The following PDGFC variants were observed in gnomAD, a reference collection of about 807,000 sequenced individuals.
The protein encoded by PDGFC is platelet-derived growth factor C.
Under a neutral mutation model 35.5 loss-of-function variants are expected in PDGFC, and 12 were observed. The ratio of observed to expected loss-of-function variants is 0.34; its 90% confidence interval spans 0.22 to 0.55. The LOEUF is 0.55. Ranked by LOEUF, PDGFC falls within the 20% of genes least tolerant of loss-of-function variation. PDGFC has a pLI of 0.91. For synonymous variants in PDGFC, 159 were observed against 148.8 expected (o/e 1.07, Z -0.50); for missense variants, 322 against 412.4 (o/e 0.78, Z 1.90).
At chr4:156,828,776 G>A (rs529442165) in intron 2 of PDGFC, among the ~76,000 whole-genome samples, 2 of 152,114 alleles carry the variant, frequency 1.3e-5, no homozygotes, top group East Asian at 3.9e-4. Context: ...AAGTAAGCTT[G>A]TATATACTTT....
chr4:156,935,448 G>C (rs1731656283), intron 1 of PDGFC, among the ~76,000 whole-genome samples: 1 of 152,094 alleles, frequency 6.6e-6, no homozygotes, highest in South Asian at 2.1e-4. Context: ...TACAGGGCTG[G>C]CAGTGCAGGA....
chr4:156,778,240 T>C, intron 3 of PDGFC: 1 of 359,194 alleles, frequency 2.8e-6, no homozygotes, highest in South Asian at 2.1e-5. Flanking sequence ...TAGAAGAGAG[T>C]TTTCTCTTGC....
intron 1 of PDGFC, among the ~76,000 whole-genome samples, chr4:156,889,705 A>G (rs1301557237): frequency 6.6e-6 from 1 of 152,222 alleles, no homozygotes; most frequent in Non-Finnish European, 1.5e-5. Context: ...CTCCAAAACT[A>G]AAAGGAGATC....
chr4:156,863,477 G>T (rs956006976), intron 1 of PDGFC, among the ~76,000 whole-genome samples: 4 of 152,122 alleles, frequency 2.6e-5, no homozygotes, highest in African/African-American at 9.7e-5. Context: ...GGCAATAGCT[G>T]TTATATTTAC....
intron 1 of PDGFC, among the ~76,000 whole-genome samples, chr4:156,945,413 C>T (rs1462993183): frequency 1.6e-5 from 2 of 123,216 alleles, no homozygotes; most frequent in African/African-American, 5.9e-5. Context: ...AAATTCACAA[C>T]AGTAATATGC....
At chr4:156,772,981 G>T in intron 3 of PDGFC, 88 bp from the exon 4 acceptor site, 1 of 855,792 alleles carries the variant, frequency 1.2e-6, no homozygotes, top group Non-Finnish European at 1.9e-6. Flanking sequence ...AAAGACTGAG[G>T]CTGGAAATAT....
intron 3 of PDGFC, among the ~76,000 whole-genome samples, chr4:156,801,213 C>T (rs1390678885): frequency 6.6e-6 from 1 of 152,040 alleles, no homozygotes; most frequent in Non-Finnish European, 1.5e-5. Flanking sequence ...GATTTCCATG[C>T]CCCTATGACT....
At chr4:156,808,296 C>T (rs1362380944) in intron 3 of PDGFC, among the ~76,000 whole-genome samples, 1 of 152,000 alleles carries the variant, frequency 6.6e-6, no homozygotes, top group African/African-American at 2.4e-5. Context: ...AACCTCAATG[C>T]AGAAAGTTAA....
intron 1 of PDGFC, chr4:156,861,419 T>C: frequency 8.7e-7 from 1 of 1,146,330 alleles, no homozygotes. Flanking sequence ...AAAATATACG[T>C]TTTGCTTACC....
At chr4:156,850,778 A>G (rs1729434542) in intron 1 of PDGFC, among the ~76,000 whole-genome samples, 2 of 151,966 alleles carry the variant, frequency 1.3e-5, no homozygotes, top group Admixed American at 6.6e-5. Context: ...AAAATACACT[A>G]GATATAATTC....
rs79066512 is a variant in PDGFC at position 156,788,166 on chromosome 4, C to T, written c.496-15273G>A. On this transcript the variant is annotated intron_variant, in intron 3 of 5. Transcript: ENST00000502773. ...AATAATCTCGGACAAGGAGTCTCAC[C>T]GATAAGAAGTCAAACTAAGCAAATG... 6.8e-3 allele frequency among the ~76,000 whole-genome samples: 1,031 copies of T among 151,584 alleles called. 15 individuals carry two copies. The highest frequency in any genetic ancestry group is 0.024 in the African/African-American group (993 of 41,306).
At chr4:156,809,730 G>A (rs953352214) in intron 3 of PDGFC, among the ~76,000 whole-genome samples, 1 of 151,470 alleles carries the variant, frequency 6.6e-6, no homozygotes, top group African/African-American at 2.4e-5. Context: ...ACCTTCAGTA[G>A]TGATATTTAT....
At position 156,908,117 on chromosome 4, in the gene PDGFC, G is replaced by A. The variant is rs1730959678; in HGVS notation, c.119-57701C>T. On this transcript the variant is annotated intron_variant, in intron 1 of 5. Transcript: ENST00000502773. The stretch of plus-strand genomic sequence containing the variant: ...GGAAGCGGAGGTTGCAGTGAGCCGA[G>A]ATCGTGCCACTGCACTCCAGCCTGG... 4.6e-5 allele frequency among the ~76,000 whole-genome samples: 7 copies of A among 152,256 alleles called. No individual in the cohort carries two copies. In the South Asian group the frequency reaches 1.2e-3, roughly 27 times the overall value.
chr4:156,823,944 C>G (rs1186000916), intron 2 of PDGFC, among the ~76,000 whole-genome samples: 1 of 151,986 alleles, frequency 6.6e-6, no homozygotes, highest in East Asian at 1.9e-4. Context: ...ATGAACGGAA[C>G]AGGACATTAT....
At chr4:156,769,856 C>T (rs1730645732) in intron 4 of PDGFC, among the ~76,000 whole-genome samples, 1 of 151,850 alleles carries the variant, frequency 6.6e-6, no homozygotes, top group African/African-American at 2.4e-5. Flanking sequence ...TATTTAATGC[C>T]TGGGCAAGGA....
intron 1 of PDGFC, among the ~76,000 whole-genome samples, chr4:156,931,016 C>A (rs1032899052): frequency 6.6e-6 from 1 of 152,048 alleles, no homozygotes; most frequent in Non-Finnish European, 1.5e-5. Flanking sequence ...TGTATTTTAA[C>A]TTCTTTTTCC....
chr4:156,796,247 C>A (rs2110897772), intron 3 of PDGFC, among the ~76,000 whole-genome samples: 1 of 152,110 alleles, frequency 6.6e-6, no homozygotes, highest in East Asian at 1.9e-4. Flanking sequence ...CTTGATTGAG[C>A]CATTTTTAAA....
chr4:156,850,681 A>C (rs1729432193), intron 1 of PDGFC, among the ~76,000 whole-genome samples: 1 of 152,108 alleles, frequency 6.6e-6, no homozygotes, highest in South Asian at 2.1e-4. Flanking sequence ...GTCAACTACA[A>C]ACTCTTTTGG....
At chr4:156,933,349 C>A (rs539056545) in intron 1 of PDGFC, among the ~76,000 whole-genome samples, 1 of 152,176 alleles carries the variant, frequency 6.6e-6, no homozygotes. Context: ...AATCAATACA[C>A]GGCATCTTTT....
Sources: gnomAD v4.1 joint callset for allele counts (sites outside exome capture counted in the v4.1 genomes callset) on GRCh38, gnomAD v4.1.1 for gene constraint, MANE v1.5 for transcripts, NCBI Gene and HGNC (gene_info 2026-07-23, HGNC 2026-07-21) for gene names.